The following ADGRG4 variants were observed in gnomAD, a reference collection of about 807,000 sequenced individuals.
ADGRG4 encodes G protein-coupled receptor 112.
A neutral mutation model predicts 126.2 loss-of-function variants in ADGRG4; 122 were observed. That is an observed-to-expected ratio of 0.97 (90% CI 0.83 to 1.12). The LOEUF is 1.12. ADGRG4 is among the 50% of genes most tolerant of loss of function. The pLI is 0.00. For missense variants in ADGRG4, 2,481 were observed against 2,251.8 expected, an observed-to-expected ratio of 1.10 and a Z score of -2.06; for synonymous variants, 943 against 838.7, an observed-to-expected ratio of 1.12 and a Z score of -2.15.
intron 5 of ADGRG4, among the ~76,000 whole-genome samples, chrX:136,342,879 AGTGTGTGTGTGTGTGTGT>A (rs58303622): frequency 1.1e-5 from 1 of 87,375 alleles, no homozygotes; most frequent in Admixed American, 1.3e-4. Context: ...AAGAGAGCTC[AGTGTGTGTGTGTGTGTGT>A]GTGTGTGTGT....
intron 18 of ADGRG4, 76 bp from the exon 19 acceptor site, chrX:136,395,314 A>C (rs770434401): frequency 1.8e-6 from 1 of 570,775 alleles, no homozygotes; most frequent in East Asian, 3.5e-5. Context: ...ACACGTTTGG[A>C]TAGTGAATAT....
At position 136,348,020 on chromosome X, in the gene ADGRG4, C is replaced by T. The variant is rs772557977; in HGVS notation, c.4314C>T (p.His1438=). 50 of 1,210,342 alleles carry T rather than the reference C, an allele frequency of 4.1e-5. No individual in the cohort carries two copies. Among genetic ancestry groups the T allele is most frequent in the Non-Finnish European group, 5.6e-5 (50 of 894,294 alleles). Residue 1438 remains histidine (H), a synonymous_variant, in exon 6 of 26, where the codon CAC becomes CAT. Transcript: ENST00000394143. ...NPMDINTTFS[H]LHSLRTQPEV... is the part of the protein sequence containing the mutation. ...TGGACATCAATACAACTTTTTCACA[C>T]TTGCATTCACTTAGGACACAACCTG... is the stretch of plus-strand genomic sequence containing the variant.
rs752396654 is a variant in ADGRG4, at chrX:136,348,426, C to T, written c.4720C>T (p.Pro1574Ser). The change falls in exon 6 of 26, where the codon CCT becomes TCT. Residue 1574 changes from proline to serine, a missense_variant. Pro to Ser is a moderately conservative substitution (Grantham distance 74). Coordinates refer to ENST00000394143, the MANE Select transcript of ADGRG4 (RefSeq NM_153834.4). Reference protein sequence around the residue: ...SIPVNNSAFTPATVSSDTSTR... With the variant: ...SIPVNNSAFTSATVSSDTSTR... ...ACCAGTTAATAACTCTGCTTTCACACCTGCAACAGTCTCTTCTGACACTTC... is the reference window on the plus strand; with the variant it reads ...ACCAGTTAATAACTCTGCTTTCACATCTGCAACAGTCTCTTCTGACACTTC... The T allele has an allele frequency of 4.6e-5, 55 of 1,205,528 alleles. No homozygotes were observed. The highest frequency in any genetic ancestry group is 5.9e-5 in the Non-Finnish European group (53 of 891,315).
In ADGRG4 at chrX:136,393,540, T is replaced by C. The variant is rs752634708; in HGVS notation, c.8040T>C (p.Tyr2680=). Residue 2680 remains tyrosine, a synonymous_variant, in exon 18 of 26, where the codon TAT becomes TAC. Coordinates refer to ENST00000394143, the MANE Select transcript of ADGRG4 (RefSeq NM_153834.4). The part of the protein sequence containing the change: ...TLQHIGGNQN[Y]GQVHCAFWDF... Reference sequence around the variant, plus strand: ...TCTGATTTCTTTTTTTCCAGAATTATGGTCAAGTTCACTGTGCCTTTTGGG... The same window carrying C: ...TCTGATTTCTTTTTTTCCAGAATTACGGTCAAGTTCACTGTGCCTTTTGGG... 2.5e-6 allele frequency: 3 copies of C among 1,203,502 alleles called. No individual in the cohort carries two copies. The East Asian group carries it at 8.9e-5, about 36-fold the overall frequency.
intron 4 of ADGRG4, among the ~76,000 whole-genome samples, chrX:136,314,627 C>A (rs1031325094): frequency 3.6e-5 from 4 of 112,005 alleles, no homozygotes; most frequent in African/African-American, 1.3e-4. Context: ...TAGACATTTC[C>A]TTTCCCCTCA....
Position 136,346,559 on chromosome X carries a change from T to C in ADGRG4, c.2853T>C (p.Ala951=), listed in dbSNP as rs141062945. The change falls in exon 6 of 26, where the codon GCT becomes GCC. Residue 951 remains alanine, a synonymous_variant. Transcript: ENST00000394143. ...WTSETSEGIS[A]GSPTSGSTHI... Reference sequence around the variant, plus strand: ...CAGAGACATCTGAGGGAATTTCAGCTGGATCTCCCACTTCTGGGAGCACAC... The same window carrying C: ...CAGAGACATCTGAGGGAATTTCAGCCGGATCTCCCACTTCTGGGAGCACAC... 7.4e-5 allele frequency: 89 copies of C among 1,209,082 alleles called. No individual in the cohort carries two copies. The African/African-American group carries it at 1.5e-3, about 20-fold the overall frequency.
In ADGRG4 at chrX:136,323,244, T is replaced by G; in HGVS notation, c.537T>G (p.Pro179=). ...TTAAAAGCATGATGCGTAGCTTTCC[T>G]GGCAGCTTGTACTACTTTCAACTCT... ...SEVKSMMRSF[P]GSLYYFQLWD... is the part of the protein sequence containing the mutation. Residue 179 remains proline (P), a synonymous_variant, in exon 5 of 26, where the codon CCT becomes CCG. Coordinates refer to ENST00000394143, the MANE Select transcript of ADGRG4 (RefSeq NM_153834.4). 8.3e-7 allele frequency: 1 copy of G among 1,211,692 alleles called. No individual in the cohort carries two copies. Among genetic ancestry groups the G allele is most frequent in the Non-Finnish European group, 1.1e-6 (1 of 895,489 alleles).
chrX:136,343,954 T>A (rs62605966), intron 5 of ADGRG4, among the ~76,000 whole-genome samples: 4,731 of 111,778 alleles, frequency 0.042, 114 homozygotes, highest in Non-Finnish European at 0.071. Context: ...AATCTAAGGT[T>A]GATTTTTTCT....
At position 136,349,498 on chromosome X, in the gene ADGRG4, C is replaced by T. The variant is rs1569324710; in HGVS notation, c.5792C>T (p.Ser1931Phe). ...TFTASQTGLV[S>F]KDVMAMSSIP... ...ACAGCCTCTCAGACTGGTCTAGTAT[C>T]TAAAGATGTCATGGCAATGTCATCA... Residue 1931 changes from serine to phenylalanine, a missense_variant, in exon 6 of 26, where the codon TCT becomes TTT. Transcript: ENST00000394143. 1 of 1,201,900 alleles carries T rather than the reference C, an allele frequency of 8.3e-7. No individual in the cohort carries two copies. The highest frequency in any genetic ancestry group is 2.2e-5 in the Admixed American group (1 of 45,644).
chrX:136,356,554 T>C (rs1278844680), intron 9 of ADGRG4, among the ~76,000 whole-genome samples: 1 of 112,470 alleles, frequency 8.9e-6, no homozygotes, highest in Non-Finnish European at 1.9e-5. Context: ...GTGATAAAAC[T>C]ATCTCCCATC....
chrX:136,363,707 C>T (rs908447681), intron 13 of ADGRG4, 112 bp downstream of exon 13: 13 of 511,629 alleles, frequency 2.5e-5, no homozygotes, highest in Admixed American at 5.4e-5. Context: ...ATCTACCTTA[C>T]GACAATCCAA....
chrX:136,317,008 A>G (rs1232673973), intron 4 of ADGRG4, among the ~76,000 whole-genome samples: 1 of 111,462 alleles, frequency 9.0e-6, no homozygotes, highest in Non-Finnish European at 1.9e-5. Flanking sequence ...TACAGGATAC[A>G]ACTATTTATT....
At chrX:136,409,149 C>A (rs772306772) in intron 23 of ADGRG4, among the ~76,000 whole-genome samples, 1 of 110,885 alleles carries the variant, frequency 9.0e-6, no homozygotes, top group South Asian at 3.9e-4. Context: ...GTTTAAAAGA[C>A]AAATGACAAG....
intron 13 of ADGRG4, among the ~76,000 whole-genome samples, chrX:136,364,222 T>C (rs2075145398): frequency 8.9e-6 from 1 of 111,753 alleles, no homozygotes; most frequent in Admixed American, 9.5e-5. Flanking sequence ...AGAGTATGTG[T>C]AAAACATCTC....
chrX:136,370,130 C>T (rs910234001), intron 13 of ADGRG4, among the ~76,000 whole-genome samples: 2 of 111,342 alleles, frequency 1.8e-5, no homozygotes, highest in Non-Finnish European at 3.8e-5. Flanking sequence ...AAGAGAAATA[C>T]AGACAGAGAG....
intron 4 of ADGRG4, among the ~76,000 whole-genome samples, chrX:136,312,295 T>C (rs2074777368): frequency 1.8e-5 from 2 of 112,240 alleles, no homozygotes; most frequent in Non-Finnish European, 3.8e-5. Context: ...TCTAGAAGGT[T>C]GTAGAGACTG....
At chrX:136,398,090 A>G in intron 20 of ADGRG4, 88 bp downstream of exon 20, 1 of 853,822 alleles carries the variant, frequency 1.2e-6, no homozygotes, top group Non-Finnish European at 1.7e-6. Flanking sequence ...TCATGAACAC[A>G]TCACAATAGG....
intron 19 of ADGRG4, among the ~76,000 whole-genome samples, chrX:136,397,251 TC>T: frequency 9.0e-6 from 1 of 111,579 alleles, no homozygotes; most frequent in South Asian, 3.8e-4. Context: ...GTAACATCAC[TC>T]CTGGTTGAGA....
At chrX:136,302,620 A>G (rs745748744) in intron 1 of ADGRG4, among the ~76,000 whole-genome samples, 3 of 111,673 alleles carry the variant, frequency 2.7e-5, no homozygotes, top group Non-Finnish European at 5.6e-5. Context: ...TTGAGGGGAG[A>G]TAGAGTTATC....
Sources: gnomAD v4.1 joint callset for allele counts (sites outside exome capture counted in the v4.1 genomes callset) on GRCh38, gnomAD v4.1.1 for gene constraint, MANE v1.5 for transcripts, NCBI Gene and HGNC (gene_info 2026-07-23, HGNC 2026-07-21) for gene names.